MYCT1: variants seen among roughly 807,000 people sequenced by gnomAD.
MYCT1 encodes the protein myc target protein 1.
In MYCT1, 12 loss-of-function variants were observed where a neutral mutation model predicts 15.0. The observed-to-expected ratio is 0.80, with a 90% CI of 0.51 to 1.29. MYCT1 has a LOEUF of 1.29. Among genes scored for constraint, MYCT1 ranks in the 50% most tolerant of loss-of-function variants. The pLI is 0.00. For missense variants in MYCT1, 287 were observed against 279.1 expected, an observed-to-expected ratio of 1.03 and a Z score of -0.20; for synonymous variants, 104 against 102.7, an observed-to-expected ratio of 1.01 and a Z score of -0.07.
the MYCT1 span, among the ~76,000 whole-genome samples, chr6:152,732,392 T>G: frequency 6.6e-6 from 1 of 152,150 alleles, no homozygotes; most frequent in South Asian, 2.1e-4. Context: ...AGAGTTGAAT[T>G]TTCAACAAAT....
At chr6:152,737,119 C>T in the MYCT1 span, among the ~76,000 whole-genome samples, 1 of 152,090 alleles carries the variant, frequency 6.6e-6, no homozygotes, top group African/African-American at 2.4e-5. Flanking sequence ...CATAGACTGT[C>T]TGGCTTTGAG....
chr6:152,743,660 C>T, the MYCT1 span, among the ~76,000 whole-genome samples: 2 of 152,198 alleles, frequency 1.3e-5, no homozygotes, highest in Non-Finnish European at 2.9e-5. Context: ...TTGCTGGCCT[C>T]ACAACCCACT....
chr6:152,700,674 G>A (rs1322524), intron 1 of MYCT1, among the ~76,000 whole-genome samples: 73,942 of 151,832 alleles, frequency 0.49, 18,526 homozygotes, highest in East Asian at 0.79. Context: ...ACATTCCCAT[G>A]AAAGCTGCAG....
chr6:152,703,838 C>T (rs1238902177), intron 1 of MYCT1, among the ~76,000 whole-genome samples: 1 of 151,942 alleles, frequency 6.6e-6, no homozygotes, highest in Non-Finnish European at 1.5e-5. Flanking sequence ...CATAACTGTC[C>T]ACTTCCAATT....
intron 1 of MYCT1, among the ~76,000 whole-genome samples, chr6:152,716,103 T>A (rs2099723630): frequency 6.6e-6 from 1 of 152,198 alleles, no homozygotes; most frequent in African/African-American, 2.4e-5. Flanking sequence ...AGGTCACAGA[T>A]GTGGGAATGT....
the MYCT1 span, among the ~76,000 whole-genome samples, chr6:152,738,186 AG>A: frequency 7.9e-5 from 12 of 152,114 alleles, no homozygotes; most frequent in Non-Finnish European, 1.5e-4. Flanking sequence ...CTAAATGTCA[AG>A]GAAAAACAGC....
rs2099724904 is a variant in MYCT1 at position 152,722,557 on chromosome 6, T to C, written c.*304T>C. The C allele has an allele frequency of 4.0e-6, 1 of 248,408 alleles. No individual in the cohort carries two copies. Among genetic ancestry groups the C allele is most frequent in the Non-Finnish European group, 7.8e-6 (1 of 127,952 alleles). The allele number at this position is 248,408 out of a possible 1,614,324, so 15.4% of individuals were successfully genotyped here. A position where few individuals can be genotyped will look rare whatever the true frequency, so the allele number is the denominator to read the frequency against. ...AGAATCAGCTAAGATGCATTATATA[T>C]ATTTTAATTAAAATTAAAACTTCAG... On this transcript the variant is annotated 3_prime_UTR_variant, in exon 2 of 2. Transcript: ENST00000367245.
the MYCT1 span, among the ~76,000 whole-genome samples, chr6:152,730,471 C>G: frequency 6.6e-6 from 1 of 152,198 alleles, no homozygotes; most frequent in African/African-American, 2.4e-5. Context: ...CAAGTTTTCC[C>G]TTTTTAAGCC....
intron 1 of MYCT1, among the ~76,000 whole-genome samples, chr6:152,703,993 T>TTA (rs977683232): frequency 3.5e-5 from 5 of 143,126 alleles, no homozygotes; most frequent in African/African-American, 1.3e-4. Context: ...TTATTTTATT[T>TTA]TATTTTATTT....
chr6:152,735,300 G>A, the MYCT1 span, among the ~76,000 whole-genome samples: 1 of 152,062 alleles, frequency 6.6e-6, no homozygotes, highest in Non-Finnish European at 1.5e-5. Context: ...TTTTTGGTAA[G>A]TGAGCCTTTA....
Position 152,721,949 on chromosome 6 carries a change from G to C in MYCT1, c.404G>C (p.Ser135Thr). Reference sequence around the variant, plus strand: ...CGCCACAGTGGCTGTGAACGTCGAAGCAACCTCAGCCTGGCCAGTCTCACC... The same window carrying C: ...CGCCACAGTGGCTGTGAACGTCGAACCAACCTCAGCCTGGCCAGTCTCACC... The part of the protein sequence containing the change: ...FYRHSGCERR[S>T]NLSLASLTFQ... Residue 135 changes from serine (S) to threonine (T), a missense_variant, in exon 2 of 2, where the codon AGC becomes ACC. Coordinates refer to ENST00000367245, the MANE Select transcript of MYCT1 (RefSeq NM_025107.3). 1.2e-6 allele frequency: 2 copies of C among 1,614,190 alleles called. No individual in the cohort carries two copies. Among genetic ancestry groups the C allele is most frequent in the Non-Finnish European group, 1.7e-6 (2 of 1,180,028 alleles).
At chr6:152,716,479 G>C (rs1385705176) in intron 1 of MYCT1, among the ~76,000 whole-genome samples, 1 of 152,140 alleles carries the variant, frequency 6.6e-6, no homozygotes, top group African/African-American at 2.4e-5. Context: ...CACTTTCAGA[G>C]TTGGAATGCT....
chr6:152,739,544 G>C, the MYCT1 span, among the ~76,000 whole-genome samples: 1 of 151,766 alleles, frequency 6.6e-6, no homozygotes, highest in Admixed American at 6.6e-5. Context: ...TTTCATTTTT[G>C]ATCAGAGGTA....
chr6:152,735,912 A>G, the MYCT1 span, among the ~76,000 whole-genome samples: 1 of 152,006 alleles, frequency 6.6e-6, no homozygotes, highest in African/African-American at 2.4e-5. Flanking sequence ...TTTTTTCTTC[A>G]TTTTATTCTT....
chr6:152,729,903 T>A, the MYCT1 span, among the ~76,000 whole-genome samples: 1 of 151,930 alleles, frequency 6.6e-6, no homozygotes, highest in Non-Finnish European at 1.5e-5. Context: ...CCAGACAGAG[T>A]CAGGCAAATA....
downstream of MYCT1, among the ~76,000 whole-genome samples, chr6:152,727,644 G>C (rs796282010): frequency 2.6e-5 from 4 of 152,318 alleles, no homozygotes; most frequent in African/African-American, 9.6e-5. Flanking sequence ...CTTTTGTAAG[G>C]TATGTTGGGG....
chr6:152,708,506 C>T (rs1472239035), intron 1 of MYCT1, among the ~76,000 whole-genome samples: 1 of 152,012 alleles, frequency 6.6e-6, no homozygotes, highest in African/African-American at 2.4e-5. Context: ...TAGTAAGTCC[C>T]TGTCTCTAAA....
chr6:152,699,894 T>C (rs947106472), intron 1 of MYCT1, among the ~76,000 whole-genome samples: 17 of 152,124 alleles, frequency 1.1e-4, no homozygotes, highest in Non-Finnish European at 8.8e-5. Context: ...TTAAAACCTG[T>C]TATTTCAAAG....
chr6:152,731,851 T>C, the MYCT1 span, among the ~76,000 whole-genome samples: 1 of 151,636 alleles, frequency 6.6e-6, no homozygotes, highest in Non-Finnish European at 1.5e-5. Context: ...AGGCTCAAGC[T>C]ATCCTCCCAC....
Sources: gnomAD v4.1 joint callset for allele counts (sites outside exome capture counted in the v4.1 genomes callset) on GRCh38, gnomAD v4.1.1 for gene constraint, MANE v1.5 for transcripts, NCBI Gene and HGNC (gene_info 2026-07-23, HGNC 2026-07-21) for gene names.